Variants in CDYL2 observed in about 807,000 individuals in gnomAD.
CDYL2 encodes chromodomain Y like 2.
CDYL2 carries 23 observed loss-of-function variants against 49.4 expected under a neutral mutation model. That is an observed-to-expected ratio of 0.47 (90% CI 0.34 to 0.66). CDYL2 has a LOEUF of 0.66. Among genes scored for constraint, CDYL2 ranks in the 30% least tolerant of loss-of-function variants. The pLI, the probability that CDYL2 is intolerant of heterozygous loss-of-function variation, is 0.01. For missense variants in CDYL2, 678 were observed against 656.4 expected, an observed-to-expected ratio of 1.03 and a Z score of -0.36; for synonymous variants, 360 against 268.8, an observed-to-expected ratio of 1.34 and a Z score of -3.32.
chr16:80,752,342 A>C (rs1427007439), intron 1 of CDYL2, among the ~76,000 whole-genome samples: 3 of 152,210 alleles, frequency 2.0e-5, no homozygotes, highest in Non-Finnish European at 4.4e-5. Flanking sequence ...AGAGGAATAA[A>C]GAAAGAACAG....
chr16:80,643,242 C>T (rs1461159055), intron 2 of CDYL2, among the ~76,000 whole-genome samples: 1 of 152,166 alleles, frequency 6.6e-6, no homozygotes, highest in Non-Finnish European at 1.5e-5. Context: ...CCTTTGACTC[C>T]AGGTCTCACA....
chr16:80,775,634 T>C (rs985393401), intron 1 of CDYL2, among the ~76,000 whole-genome samples: 4 of 151,786 alleles, frequency 2.6e-5, no homozygotes, highest in Non-Finnish European at 5.9e-5. Context: ...AAGGAAAGAA[T>C]GATCAACAGA....
rs764383895 is a variant in CDYL2 at position 80,633,245 on chromosome 16, A to C, written c.617-9T>G. The C allele has an allele frequency of 1.2e-6, 2 of 1,607,730 alleles. No homozygotes were observed. Among genetic ancestry groups the C allele is most frequent in the Admixed American group, 3.3e-5 (2 of 59,786 alleles). On this transcript the variant is annotated splice_polypyrimidine_tract_variant and intron_variant, in intron 2 of 6. Transcript: ENST00000570137. ...GTTGGTCAGAGCAGAGCCTTCCAAA[A>C]CCAGATAAACAATGTAAGAAACTGA...
chr16:80,645,958 G>T (rs906400640), intron 2 of CDYL2, among the ~76,000 whole-genome samples: 2 of 132,434 alleles, frequency 1.5e-5, no homozygotes, highest in African/African-American at 5.7e-5. Flanking sequence ...ACACAGGAAG[G>T]GGAACATCAC....
chr16:80,684,497 C>A, intron 2 of CDYL2, 41 bp downstream of exon 2: 1 of 1,574,200 alleles, frequency 6.4e-7, no homozygotes, highest in South Asian at 1.2e-5. Flanking sequence ...CCCCTTTCGC[C>A]ATGGCCAGAG....
Position 80,620,800 on chromosome 16 carries a change from G to A in CDYL2, c.970C>T (p.Arg324Trp). ...SYLIGRLSSD[R>W]RKESTRIAEA... ...GCAATCCGAGTGCTCTCCTTTCGCC[G>A]GTCGCTGGACAACCGGCCAATTAGG... Residue 324 changes from arginine (R) to tryptophan (W), a missense_variant, in exon 4 of 7, where the codon CGG becomes TGG. Coordinates refer to ENST00000570137, the MANE Select transcript of CDYL2 (RefSeq NM_152342.4). 3.1e-6 allele frequency: 5 copies of A among 1,609,338 alleles called. No homozygotes were observed. The highest frequency in any genetic ancestry group is 1.7e-5 in the Admixed American group (1 of 59,672).
chr16:80,690,714 C>A (rs1440817603), intron 1 of CDYL2, among the ~76,000 whole-genome samples: 1 of 152,144 alleles, frequency 6.6e-6, no homozygotes. Context: ...TCAACTCCTG[C>A]CAATTTCCTT....
chr16:80,706,450 C>G (rs780802448), intron 1 of CDYL2, among the ~76,000 whole-genome samples: 1 of 152,170 alleles, frequency 6.6e-6, no homozygotes, highest in Non-Finnish European at 1.5e-5. Context: ...ATTTTTGCCT[C>G]TCTGAGCCCC....
intron 4 of CDYL2, among the ~76,000 whole-genome samples, chr16:80,614,855 C>G (rs147209273): frequency 0.024 from 3,212 of 135,480 alleles, 122 homozygotes; most frequent in African/African-American, 0.088. Context: ...CAGAGTGAGA[C>G]TCTGTCTCAG....
chr16:80,760,688 C>T (rs1906497277), intron 1 of CDYL2, among the ~76,000 whole-genome samples: 1 of 151,964 alleles, frequency 6.6e-6, no homozygotes, highest in Non-Finnish European at 1.5e-5. Flanking sequence ...TAAGTATCTT[C>T]TCACCTACGC....
chr16:80,667,692 G>A (rs2142445333), intron 2 of CDYL2, among the ~76,000 whole-genome samples: 1 of 152,306 alleles, frequency 6.6e-6, no homozygotes, highest in Admixed American at 6.5e-5. Context: ...TTAAAAACAA[G>A]TGGGGAAATA....
At chr16:80,700,272 T>C (rs1177722360) in intron 1 of CDYL2, among the ~76,000 whole-genome samples, 1 of 152,110 alleles carries the variant, frequency 6.6e-6, no homozygotes, top group East Asian at 1.9e-4. Flanking sequence ...AAAAAATGCG[T>C]TTTAAGACTT....
At chr16:80,741,509 G>T (rs1284000622) in intron 1 of CDYL2, among the ~76,000 whole-genome samples, 3 of 152,044 alleles carry the variant, frequency 2.0e-5, no homozygotes, top group Admixed American at 6.6e-5. Context: ...TTGCAGCATA[G>T]GTGGTAAAGT....
chr16:80,616,491 T>C (rs1178757264), intron 4 of CDYL2, among the ~76,000 whole-genome samples: 1 of 152,180 alleles, frequency 6.6e-6, no homozygotes, highest in Non-Finnish European at 1.5e-5. Context: ...CAATTTCCCC[T>C]GGAGCAATCG....
chr16:80,682,898 A>T (rs1237634003), intron 2 of CDYL2, among the ~76,000 whole-genome samples: 1 of 152,198 alleles, frequency 6.6e-6, no homozygotes, highest in Admixed American at 6.5e-5. Context: ...AGCGTCAGGG[A>T]TCCCGAGACG....
intron 1 of CDYL2, among the ~76,000 whole-genome samples, chr16:80,733,865 T>G (rs566014457): frequency 7.3e-4 from 111 of 152,312 alleles, no homozygotes; most frequent in African/African-American, 2.6e-3. Flanking sequence ...GAAGCCAGGA[T>G]GAGCTTTCTA....
intron 2 of CDYL2, among the ~76,000 whole-genome samples, chr16:80,656,699 A>C (rs1908828200): frequency 1.3e-5 from 2 of 152,338 alleles, no homozygotes; most frequent in South Asian, 4.1e-4. Flanking sequence ...TACAGAAGCG[A>C]CAGATAAAAT....
At chr16:80,706,447 C>T (rs574769344) in intron 1 of CDYL2, among the ~76,000 whole-genome samples, 1 of 152,300 alleles carries the variant, frequency 6.6e-6, no homozygotes, top group Admixed American at 6.5e-5. Flanking sequence ...ACTATTTTTG[C>T]CTCTCTGAGC....
chr16:80,750,509 G>A (rs1172705438), intron 1 of CDYL2, among the ~76,000 whole-genome samples: 1 of 151,018 alleles, frequency 6.6e-6, no homozygotes, highest in South Asian at 2.1e-4. Flanking sequence ...AACACAAAGA[G>A]ATCTTAAAAT....
Sources: allele counts gnomAD v4.1 joint callset (sites outside exome capture counted in the v4.1 genomes callset), GRCh38; gene constraint gnomAD v4.1.1; transcripts MANE v1.5; gene names NCBI Gene and HGNC (gene_info 2026-07-23, HGNC 2026-07-21).